COL24A1: variants seen among roughly 807,000 people sequenced by gnomAD.
The protein encoded by COL24A1 is collagen type XXIV alpha 1 chain.
In COL24A1, 224 loss-of-function variants were observed where a neutral mutation model predicts 253.9. The ratio of observed to expected loss-of-function variants is 0.88; its 90% CI spans 0.79 to 0.99. COL24A1 has a LOEUF of 0.99. COL24A1 is among the 50% of genes least tolerant of loss of function. COL24A1 has a pLI of 0.00. For missense variants in COL24A1, 2,131 were observed against 2,068.5 expected (o/e 1.03, Z -0.59); for synonymous variants, 685 against 673.7 (o/e 1.02, Z -0.26).
intron 2 of COL24A1, 75 bp from the exon 3 acceptor site, chr1:86,126,289 T>C (rs1648293476): frequency 2.9e-6 from 4 of 1,357,594 alleles, no homozygotes; most frequent in African/African-American, 2.9e-5. Context: ...TGTTTGAATA[T>C]GATAAAAATC....
intron 24 of COL24A1, among the ~76,000 whole-genome samples, chr1:85,938,447 T>C (rs1306844086): frequency 6.8e-6 from 1 of 146,662 alleles, no homozygotes; most frequent in Admixed American, 6.9e-5. Context: ...AGTCACCATC[T>C]TGGCACAGTT....
chr1:86,146,073 G>T, intron 2 of COL24A1, 46 bp downstream of exon 2: 1 of 1,476,796 alleles, frequency 6.8e-7, no homozygotes, highest in Non-Finnish European at 9.4e-7. Flanking sequence ...CTGTCTGGAA[G>T]TAGAATTTTT....
At chr1:86,149,017 T>C (rs12074028) in intron 1 of COL24A1, among the ~76,000 whole-genome samples, 133 of 152,182 alleles carry the variant, frequency 8.7e-4, no homozygotes, top group African/African-American at 3.1e-3. Flanking sequence ...ACCTGTTGTT[T>C]CCTGACTTTT....
chr1:86,013,313 G>T (rs1353707067), intron 19 of COL24A1, among the ~76,000 whole-genome samples: 1 of 152,118 alleles, frequency 6.6e-6, no homozygotes, highest in African/African-American at 2.4e-5. Flanking sequence ...CTTTCACATT[G>T]TAACATCCAT....
chr1:85,781,352 G>C (rs772631236), intron 51 of COL24A1, 79 bp from the exon 52 acceptor site: 62 of 920,844 alleles, frequency 6.7e-5, no homozygotes, highest in Non-Finnish European at 1.0e-4. Context: ...CTTGTACAAT[G>C]GTAAAAGAGC....
intron 24 of COL24A1, among the ~76,000 whole-genome samples, chr1:85,921,333 T>C (rs990738631): frequency 6.6e-6 from 1 of 152,192 alleles, no homozygotes; most frequent in Non-Finnish European, 1.5e-5. Flanking sequence ...TGCTCACTGC[T>C]AGAGCAGCAG....
At chr1:86,018,869 T>C (rs908305381) in intron 18 of COL24A1, among the ~76,000 whole-genome samples, 4 of 126,968 alleles carry the variant, frequency 3.2e-5, no homozygotes, top group Non-Finnish European at 7.5e-5. Flanking sequence ...GTTTTCTCTA[T>C]TTTTTTTTAA....
intron 58 of COL24A1, chr1:85,736,162 C>A: frequency 2.7e-6 from 1 of 368,720 alleles, no homozygotes; most frequent in South Asian, 2.1e-5. Flanking sequence ...TTGTTCCTGG[C>A]ACAGAGCAGG....
At chr1:86,051,573 T>A (rs918488180) in intron 10 of COL24A1, among the ~76,000 whole-genome samples, 1 of 151,854 alleles carries the variant, frequency 6.6e-6, no homozygotes, top group South Asian at 2.1e-4. Context: ...AAGAGGTGAG[T>A]TTGGAAAGGG....
chr1:86,073,525 T>A (rs1252256495), intron 7 of COL24A1, among the ~76,000 whole-genome samples: 1 of 152,180 alleles, frequency 6.6e-6, no homozygotes, highest in African/African-American at 2.4e-5. Context: ...ACAGGGAAGA[T>A]GCAACCAAGT....
In COL24A1 at chr1:86,125,293, C is replaced by T; in HGVS notation, c.1043G>A (p.Ser348Asn). The T allele has an allele frequency of 6.2e-7, 1 of 1,613,558 alleles. No homozygotes were observed. The highest frequency in any genetic ancestry group is 8.5e-7 in the Non-Finnish European group (1 of 1,179,784). ...ITEEDTQTNF[S>N]LSVTTHRISE... ...GATGCGATGAGTGGTCACTGACAGG[C>T]TGAAATTTGTCTGAGTATCTTCCTC... The change falls in exon 3 of 60, where the codon AGC (serine) becomes AAC (asparagine). Residue 348 changes from serine (S) to asparagine (N), a missense_variant. Transcript: ENST00000370571.
chr1:85,767,509 G>T (rs1667505585), intron 53 of COL24A1, among the ~76,000 whole-genome samples: 1 of 152,068 alleles, frequency 6.6e-6, no homozygotes, highest in Non-Finnish European at 1.5e-5. Context: ...GGAATTAAAA[G>T]ATTAACTTTA....
At chr1:86,079,228 G>A (rs1702459856) in intron 7 of COL24A1, among the ~76,000 whole-genome samples, 1 of 152,158 alleles carries the variant, frequency 6.6e-6, no homozygotes, top group Non-Finnish European at 1.5e-5. Context: ...AATAAATTGT[G>A]CTGGGGAAAC....
intron 39 of COL24A1, among the ~76,000 whole-genome samples, chr1:85,843,412 A>C (rs1319063520): frequency 6.6e-6 from 1 of 152,208 alleles, no homozygotes; most frequent in Admixed American, 6.5e-5. Flanking sequence ...CTAGAATAGA[A>C]TGTAACTACT....
In COL24A1 at chr1:86,003,608, T is replaced by C. The variant is rs150154428; in HGVS notation, c.2310+13543A>G. Among the ~76,000 whole-genome samples, 45 of 152,260 alleles carry C rather than the reference T, an allele frequency of 3.0e-4. 2 individuals carry two copies. The East Asian group carries it at 7.3e-3, about 25-fold the overall frequency. On this transcript the variant is annotated intron_variant, in intron 19 of 59. Transcript: ENST00000370571. ...AGCAACAGCAAAAAAGGTACACTTATGCATACTCTGAATAACAACAGAGAA... is the reference window on the plus strand; with the variant it reads ...AGCAACAGCAAAAAAGGTACACTTACGCATACTCTGAATAACAACAGAGAA...
At chr1:85,872,198 C>CACAA (rs1680591831) in intron 35 of COL24A1, among the ~76,000 whole-genome samples, 1 of 152,042 alleles carries the variant, frequency 6.6e-6, no homozygotes, top group Admixed American at 6.6e-5. Flanking sequence ...TAAAAGAGGA[C>CACAA]ACAAACAAAT....
intron 59 of COL24A1, among the ~76,000 whole-genome samples, chr1:85,732,866 T>C (rs1381665900): frequency 6.6e-6 from 1 of 152,182 alleles, no homozygotes; most frequent in Non-Finnish European, 1.5e-5. Flanking sequence ...TAGTAGGAGC[T>C]GTTGATATTA....
intron 36 of COL24A1, 32 bp from the exon 37 acceptor site, chr1:85,868,658 G>T: frequency 6.4e-7 from 1 of 1,562,498 alleles, no homozygotes; most frequent in Non-Finnish European, 8.8e-7. Flanking sequence ...TTCTATAAAG[G>T]AATACAGTGA....
chr1:86,100,155 G>A (rs1704323884), intron 5 of COL24A1, among the ~76,000 whole-genome samples: 1 of 151,778 alleles, frequency 6.6e-6, no homozygotes, highest in African/African-American at 2.4e-5. Context: ...CAATAGAATT[G>A]GCTCCTACTA....
Sources: allele counts gnomAD v4.1 joint callset (sites outside exome capture counted in the v4.1 genomes callset), GRCh38; gene constraint gnomAD v4.1.1; transcripts MANE v1.5; gene names NCBI Gene and HGNC (gene_info 2026-07-23, HGNC 2026-07-21).